The following ELL2 variants were observed in gnomAD, a reference collection of about 807,000 sequenced individuals.
ELL2 encodes RNA polymerase II elongation factor ELL2.
Under a neutral mutation model 72.8 loss-of-function variants are expected in ELL2, and 21 were observed. That is an observed-to-expected ratio of 0.29 (90% CI 0.20 to 0.42). The LOEUF (loss-of-function observed/expected upper bound fraction) is 0.42. Ranked by LOEUF, ELL2 falls within the 10% of genes least tolerant of loss-of-function variation. The probability of loss-of-function intolerance (pLI) is 1.00; values close to 1 mark genes in which losing one functional copy is unlikely to be tolerated. For synonymous variants in ELL2, 266 were observed against 283.2 expected, an observed-to-expected ratio of 0.94 and a Z score of 0.61; for missense variants, 568 against 772.8, an observed-to-expected ratio of 0.73 and a Z score of 3.14.
intron 4 of ELL2, among the ~76,000 whole-genome samples, chr5:95,908,656 G>T (rs1749468009): frequency 6.6e-6 from 1 of 152,008 alleles, no homozygotes; most frequent in South Asian, 2.1e-4. Flanking sequence ...TTTCTAATGT[G>T]GCAAAGGGAA....
intron 5 of ELL2, among the ~76,000 whole-genome samples, chr5:95,906,318 T>A (rs1023887836): frequency 6.6e-6 from 1 of 152,198 alleles, no homozygotes; most frequent in African/African-American, 2.4e-5. Flanking sequence ...AAGACAATGC[T>A]CACATTTCAA....
intron 9 of ELL2, among the ~76,000 whole-genome samples, chr5:95,893,626 C>G (rs1019833453): frequency 7.6e-4 from 115 of 152,302 alleles, no homozygotes; most frequent in African/African-American, 2.6e-3. Context: ...ACCTCGTGAT[C>G]CGCCCACCTC....
rs1334998858 is a variant in ELL2, at chr5:95,902,118, C to G, written c.742-1038G>C. Among the ~76,000 whole-genome samples the G allele has an allele frequency of 3.9e-5, 6 of 152,324 alleles. No homozygotes were observed. In the East Asian group the frequency reaches 1.2e-3, roughly 29 times the overall value. ...TTACTTTTGAGTCACAATAAAAATC[C>G]TTGATCACTTGTATTAAGTAGAAAC... On this transcript the variant is annotated intron_variant, in intron 5 of 11. Coordinates refer to ENST00000237853, the MANE Select transcript of ELL2 (RefSeq NM_012081.6).
chr5:95,903,645 G>A (rs909951109), intron 5 of ELL2, among the ~76,000 whole-genome samples: 1 of 152,074 alleles, frequency 6.6e-6, no homozygotes, highest in Non-Finnish European at 1.5e-5. Flanking sequence ...CTCCTAAGAT[G>A]ATTTCATTAA....
chr5:95,943,320 T>C (rs1158003534), intron 1 of ELL2, among the ~76,000 whole-genome samples: 1 of 151,948 alleles, frequency 6.6e-6, no homozygotes, highest in East Asian at 1.9e-4. Context: ...TGTCATAATG[T>C]GTGAAAATCT....
In ELL2 at chr5:95,919,413, A is replaced by G; in HGVS notation, c.317+11T>C. ...ATTTTTCCCCTTCAGTGTACCTTGAAAAGTACTTACCTGGAGAATGTTTGC... is the reference window on the plus strand; with the variant it reads ...ATTTTTCCCCTTCAGTGTACCTTGAGAAGTACTTACCTGGAGAATGTTTGC... On this transcript the variant is annotated intron_variant, in intron 3 of 11. Transcript: ENST00000237853. The G allele has an allele frequency of 6.3e-7, 1 of 1,576,302 alleles. No individual in the cohort carries two copies. Among genetic ancestry groups the G allele is most frequent in the Non-Finnish European group, 8.6e-7 (1 of 1,169,046 alleles).
chr5:95,890,983 G>A (rs1035415104), intron 10 of ELL2, 120 bp downstream of exon 10: 18 of 1,108,044 alleles, frequency 1.6e-5, no homozygotes, highest in Admixed American at 6.9e-5. Context: ...AAGCAGCAGC[G>A]AGGCTGGTCT....
chr5:95,896,099 G>C (rs1357080142), intron 8 of ELL2, among the ~76,000 whole-genome samples: 1 of 152,210 alleles, frequency 6.6e-6, no homozygotes, highest in African/African-American at 2.4e-5. Context: ...AGGCGGATGA[G>C]ACAATAGAGT....
intron 1 of ELL2, among the ~76,000 whole-genome samples, chr5:95,950,935 T>TGTAC (rs1751366868): frequency 8.2e-6 from 1 of 121,626 alleles, no homozygotes; most frequent in African/African-American, 3.3e-5. Flanking sequence ...TATATATATA[T>TGTAC]ATATATATAT....
intron 1 of ELL2, among the ~76,000 whole-genome samples, chr5:95,946,293 TC>T (rs1751156126): frequency 6.6e-6 from 1 of 152,066 alleles, no homozygotes; most frequent in Non-Finnish European, 1.5e-5. Flanking sequence ...GAGCAGATAT[TC>T]CCCAGGAAAA....
intron 3 of ELL2, 33 bp downstream of exon 3, chr5:95,919,391 T>C (rs374700396): frequency 6.4e-7 from 1 of 1,560,898 alleles, no homozygotes; most frequent in Non-Finnish European, 8.6e-7. Context: ...ATAAAAAATT[T>C]TTCCCCTTCA....
intron 1 of ELL2, among the ~76,000 whole-genome samples, chr5:95,946,199 G>A (rs1018594118): frequency 2.6e-5 from 4 of 152,164 alleles, no homozygotes; most frequent in African/African-American, 4.8e-5. Flanking sequence ...CAGTCCGGGC[G>A]GATGCTTTAG....
At position 95,906,553 on chromosome 5, in the gene ELL2, G is replaced by A. The variant is rs373384224; in HGVS notation, c.711C>T (p.Asp237=). The part of the protein sequence containing the change: ...RLQKDGVNQK[D]KNSLGAILQQ... ...GCAGAATTGCTCCCAGGGAGTTCTTGTCTTTTTGATTGACACCATCTTTCT... is the reference window on the plus strand; with the variant it reads ...GCAGAATTGCTCCCAGGGAGTTCTTATCTTTTTGATTGACACCATCTTTCT... Residue 237 remains aspartate, a synonymous_variant, in exon 5 of 12, where the codon GAC becomes GAT. Transcript: ENST00000237853. The A allele has an allele frequency of 1.7e-5, 28 of 1,613,470 alleles. No homozygotes were observed. The highest frequency in any genetic ancestry group is 2.2e-5 in the Non-Finnish European group (26 of 1,179,658).
At chr5:95,906,170 A>G (rs1465973401) in intron 5 of ELL2, among the ~76,000 whole-genome samples, 1 of 152,218 alleles carries the variant, frequency 6.6e-6, no homozygotes, top group Non-Finnish European at 1.5e-5. Context: ...CCAATAGAAT[A>G]CATTGCACAA....
chr5:95,889,665 T>A (rs1208534555), intron 10 of ELL2, among the ~76,000 whole-genome samples: 2 of 152,182 alleles, frequency 1.3e-5, no homozygotes, highest in Admixed American at 6.5e-5. Context: ...GTACAAATAA[T>A]AATGTATCAT....
chr5:95,955,214 A>G (rs1751585955), intron 1 of ELL2, among the ~76,000 whole-genome samples: 1 of 152,192 alleles, frequency 6.6e-6, no homozygotes, highest in Admixed American at 6.5e-5. Flanking sequence ...CCAATAACAT[A>G]TAGGATCCCT....
intron 1 of ELL2, among the ~76,000 whole-genome samples, chr5:95,945,862 T>C (rs1242305432): frequency 6.6e-6 from 1 of 152,190 alleles, no homozygotes; most frequent in African/African-American, 2.4e-5. Context: ...TCCTGCCTAA[T>C]TTTTCCTTAT....
intron 9 of ELL2, among the ~76,000 whole-genome samples, chr5:95,892,870 T>TAA (rs1363656762): frequency 6.6e-6 from 1 of 152,192 alleles, no homozygotes; most frequent in Non-Finnish European, 1.5e-5. Context: ...TCTGCTGATG[T>TAA]AAAGCTGCCC....
chr5:95,915,970 G>A (rs1181461705), intron 3 of ELL2, among the ~76,000 whole-genome samples: 1 of 151,896 alleles, frequency 6.6e-6, no homozygotes, highest in Non-Finnish European at 1.5e-5. Flanking sequence ...TTGTATTGCA[G>A]AAAGCTCAAT....
Sources: gnomAD v4.1 joint callset for allele counts (sites outside exome capture counted in the v4.1 genomes callset) on GRCh38, gnomAD v4.1.1 for gene constraint, MANE v1.5 for transcripts, NCBI Gene and HGNC (gene_info 2026-07-23, HGNC 2026-07-21) for gene names.